The following DNAH12 variants were observed in gnomAD, a reference collection of about 807,000 sequenced individuals.
DNAH12 encodes the protein axonemal beta dynein heavy chain 12.
In DNAH12, 285 loss-of-function variants were observed where a neutral mutation model predicts 371.5. That is an observed-to-expected ratio of 0.77 (90% CI 0.70 to 0.85). DNAH12 has a LOEUF of 0.85. Ranked by LOEUF, DNAH12 falls within the 40% of genes least tolerant of loss-of-function variation. The probability of loss-of-function intolerance (pLI) is 0.00; values close to 1 mark genes in which losing one functional copy is unlikely to be tolerated. For synonymous variants in DNAH12, 1,200 were observed against 1,213.0 expected (o/e 0.99, Z 0.22); for missense variants, 3,611 against 3,689.4 (o/e 0.98, Z 0.55).
chr3:57,540,885 G>A lies in DNAH12; in HGVS notation c.170+1816C>T, dbSNP rs13063308. On this transcript the variant is annotated intron_variant, in intron 2 of 73. Coordinates refer to ENST00000495027, the MANE Select transcript of DNAH12 (RefSeq NM_001366028.2). ...GTTGAGGCTCCAGTGAGCTGAGATC[G>A]TGCCACTATACTCCAGCCTGGGTGA... is the stretch of plus-strand genomic sequence containing the variant. Among the ~76,000 whole-genome samples, 89 of 151,738 alleles carry A rather than the reference G, an allele frequency of 5.9e-4. No individual in the cohort carries two copies. In the East Asian group the frequency reaches 0.016, roughly 28 times the overall value.
intron 29 of DNAH12, 85 bp downstream of exon 29, chr3:57,444,612 T>C: frequency 6.6e-7 from 1 of 1,511,584 alleles, no homozygotes; most frequent in Non-Finnish European, 8.9e-7. Flanking sequence ...CAGAATAATT[T>C]CACACATTAA....
At chr3:57,443,195 C>T (rs900253533) in intron 29 of DNAH12, among the ~76,000 whole-genome samples, 5 of 152,144 alleles carry the variant, frequency 3.3e-5, no homozygotes, top group African/African-American at 1.2e-4. Context: ...CTGCAACCTC[C>T]GCCTCCCGGG....
chr3:57,518,949 G>A (rs2068305262), intron 4 of DNAH12, among the ~76,000 whole-genome samples: 1 of 152,196 alleles, frequency 6.6e-6, no homozygotes, highest in South Asian at 2.1e-4. Flanking sequence ...GCTACAGCCA[G>A]TCAAGAAAGA....
chr3:57,422,286 G>A (rs1157982757), intron 35 of DNAH12, among the ~76,000 whole-genome samples: 1 of 151,988 alleles, frequency 6.6e-6, no homozygotes, highest in East Asian at 1.9e-4. Flanking sequence ...GGAGTACAGT[G>A]GTGCGATCTC....
At chr3:57,420,243 AC>A (rs531360307) in intron 36 of DNAH12, among the ~76,000 whole-genome samples, 1 of 152,002 alleles carries the variant, frequency 6.6e-6, no homozygotes. Flanking sequence ...TCCCTGGAGA[AC>A]CCCAGCCCTT....
At position 57,405,718 on chromosome 3, in the gene DNAH12, T is replaced by C. The variant is rs1553680914; in HGVS notation, c.6511A>G (p.Ile2171Val). ...RWLFQLTKTV[I>V]KDHFKESFHS... Reference sequence around the variant, plus strand: ...AATGATTCTTTAAAATGGTCCTTTATAACAGTTTTAGTTAACTGGAACAGC... The same window carrying C: ...AATGATTCTTTAAAATGGTCCTTTACAACAGTTTTAGTTAACTGGAACAGC... Residue 2171 changes from isoleucine (I) to valine (V), a missense_variant, in exon 41 of 74, where the codon ATA becomes GTA. Ile to Val is a conservative substitution (Grantham distance 29, BLOSUM62 3). Transcript: ENST00000495027. The C allele has an allele frequency of 1.3e-6, 2 of 1,551,716 alleles. No homozygotes were observed. Among genetic ancestry groups the C allele is most frequent in the East Asian group, 2.4e-5 (1 of 40,922 alleles).
chr3:57,447,749 G>A (rs2065563244), intron 25 of DNAH12, among the ~76,000 whole-genome samples: 1 of 152,026 alleles, frequency 6.6e-6, no homozygotes, highest in Non-Finnish European at 1.5e-5. Flanking sequence ...ATCTTGACTA[G>A]GTGCCCCTCT....
intron 29 of DNAH12, among the ~76,000 whole-genome samples, chr3:57,439,256 C>T (rs930725654): frequency 6.6e-6 from 1 of 152,100 alleles, no homozygotes; most frequent in Admixed American, 6.5e-5. Context: ...CAAAGCAATC[C>T]TAAGCAAAAA....
At chr3:57,331,621 T>TA (rs1197109172) in intron 62 of DNAH12, among the ~76,000 whole-genome samples, 2 of 152,088 alleles carry the variant, frequency 1.3e-5, no homozygotes, top group African/African-American at 4.8e-5. Flanking sequence ...ACTAAAACGG[T>TA]AAAATTTTTT....
Position 57,458,141 on chromosome 3 carries a change from C to G in DNAH12, c.3011G>C (p.Gly1004Ala). 1 of 1,550,286 alleles carries G rather than the reference C, an allele frequency of 6.5e-7. No individual in the cohort carries two copies. Among genetic ancestry groups the G allele is most frequent in the Non-Finnish European group, 8.7e-7 (1 of 1,146,656 alleles). ...CNELLEKIMK[G>A]LNAYLEKKRL... The stretch of plus-strand genomic sequence containing the variant: ...TTTCTTTTCAAGATATGCGTTAAGA[C>G]CTTTCATAATTTTCTCCAAAAGTTC... Residue 1004 changes from glycine to alanine, a missense_variant, in exon 21 of 74, where the codon GGT becomes GCT. Around this residue, in one of 3 missense-constraint regions of DNAH12, gnomAD observed 1,314 missense variants for 1,398.7 expected, o/e 0.94. Coordinates refer to ENST00000495027, the MANE Select transcript of DNAH12 (RefSeq NM_001366028.2).
intron 55 of DNAH12, among the ~76,000 whole-genome samples, chr3:57,374,867 C>T (rs907692912): frequency 2.8e-3 from 427 of 152,100 alleles, no homozygotes; most frequent in Non-Finnish European, 5.2e-3. Context: ...GCAAAACTAA[C>T]CTATGGCGGG....
intron 13 of DNAH12, among the ~76,000 whole-genome samples, chr3:57,479,960 A>C (rs554632063): frequency 7.0e-4 from 106 of 152,356 alleles, no homozygotes; most frequent in African/African-American, 2.2e-3. Flanking sequence ...TGCCCACAAG[A>C]GAAAGCAGGA....
chr3:57,483,155 A>G (rs2066808160), intron 13 of DNAH12, among the ~76,000 whole-genome samples: 5 of 151,792 alleles, frequency 3.3e-5, no homozygotes. Flanking sequence ...TCAACTGGAA[A>G]CCTCTAGAAG....
At chr3:57,448,099 A>G (rs756391597) in intron 25 of DNAH12, among the ~76,000 whole-genome samples, 3 of 152,214 alleles carry the variant, frequency 2.0e-5, no homozygotes, top group Non-Finnish European at 4.4e-5. Flanking sequence ...TTTATTGTGA[A>G]TAATAAATAT....
At chr3:57,441,385 A>G (rs2065299331) in intron 29 of DNAH12, among the ~76,000 whole-genome samples, 1 of 152,114 alleles carries the variant, frequency 6.6e-6, no homozygotes, top group Admixed American at 6.5e-5. Context: ...ATGAAAAACA[A>G]AAGAGAAAAA....
intron 70 of DNAH12, among the ~76,000 whole-genome samples, chr3:57,297,806 A>G (rs2061264259): frequency 6.6e-6 from 1 of 152,158 alleles, no homozygotes; most frequent in Non-Finnish European, 1.5e-5. Context: ...TTGCCAGAAT[A>G]TAACTCACCG....
chr3:57,314,477 T>C lies in DNAH12; in HGVS notation c.10662+17A>G, dbSNP rs1378520258. 1.3e-6 allele frequency: 2 copies of C among 1,550,908 alleles called. No individual in the cohort carries two copies. The highest frequency in any genetic ancestry group is 2.4e-5 in the South Asian group (2 of 83,776). Reference sequence around the variant, plus strand: ...AATAGTGATCCTTCATGAATGTTAATTTCTTGTTAATTTTACCTGCAGTTG... The same window carrying C: ...AATAGTGATCCTTCATGAATGTTAACTTCTTGTTAATTTTACCTGCAGTTG... On this transcript the variant is annotated intron_variant, in intron 66 of 73. Coordinates refer to ENST00000495027, the MANE Select transcript of DNAH12 (RefSeq NM_001366028.2).
rs2064002839 is a variant in DNAH12, at chr3:57,405,707, A to G, written c.6522T>C (p.His2174=). The change falls in exon 41 of 74, where the codon CAT becomes CAC. Residue 2174 remains histidine (H), a synonymous_variant. Transcript: ENST00000495027. ...AGATACTGTGAAATGATTCTTTAAA[A>G]TGGTCCTTTATAACAGTTTTAGTTA... ...FQLTKTVIKD[H]FKESFHSIFS... The G allele has an allele frequency of 1.3e-6, 2 of 1,551,728 alleles. No homozygotes were observed.
chr3:57,316,319 C>A (rs2153279352), intron 65 of DNAH12, among the ~76,000 whole-genome samples: 1 of 152,234 alleles, frequency 6.6e-6, no homozygotes, highest in South Asian at 2.1e-4. Flanking sequence ...GACTTCCAGT[C>A]TTGACCCAAT....
Sources: gnomAD v4.1 joint callset for allele counts (sites outside exome capture counted in the v4.1 genomes callset) on GRCh38, gnomAD v4.1.1 for gene constraint, gnomAD v4.1.1 regional missense constraint, MANE v1.5 for transcripts, NCBI Gene and HGNC (gene_info 2026-07-23, HGNC 2026-07-21) for gene names.